GABRA2: variants seen among roughly 807,000 people sequenced by gnomAD.
GABRA2 encodes the protein gamma-aminobutyric acid type A receptor subunit alpha2, also known as gamma-aminobutyric acid receptor subunit alpha-2.
GABRA2 carries 16 observed loss-of-function variants against 48.7 expected under a neutral mutation model. The observed-to-expected ratio is 0.33, with a 90% CI of 0.22 to 0.50. GABRA2 has a LOEUF of 0.50. Ranked by LOEUF, GABRA2 falls within the 20% of genes least tolerant of loss-of-function variation. The probability of loss-of-function intolerance (pLI) is 0.98; values close to 1 mark genes in which losing one functional copy is unlikely to be tolerated. For synonymous variants in GABRA2, 185 were observed against 184.5 expected, an observed-to-expected ratio of 1.00 and a Z score of -0.02; for missense variants, 275 against 535.6, an observed-to-expected ratio of 0.51 and a Z score of 4.80.
chr4:46,275,418 G>A lies in GABRA2; in HGVS notation c.857-13290C>T, dbSNP rs73812831. Among the ~76,000 whole-genome samples the A allele has an allele frequency of 6.3e-3, 966 of 152,160 alleles. 11 individuals are homozygous for A. Among genetic ancestry groups the A allele is most frequent in the African/African-American group, 0.022 (921 of 41,506 alleles). On this transcript the variant is annotated intron_variant, in intron 8 of 9. Coordinates refer to ENST00000381620, the MANE Select transcript of GABRA2 (RefSeq NM_000807.4). ...ATCAAATGAAACCAGTTATGACCTA[G>A]AGGTTCTGCATTAAGGTAAGGGTGG... is the stretch of plus-strand genomic sequence containing the variant.
intron 8 of GABRA2, among the ~76,000 whole-genome samples, chr4:46,264,657 C>T (rs1717737638): frequency 1.3e-5 from 2 of 151,802 alleles, no homozygotes; most frequent in South Asian, 2.1e-4. Flanking sequence ...ATTGTGATTC[C>T]TTTCTCTAGT....
chr4:46,303,777 T>C lies in GABRA2; in HGVS notation c.704-165A>G, dbSNP rs868268470. Among the ~76,000 whole-genome samples, 6 of 152,204 alleles carry C rather than the reference T, an allele frequency of 3.9e-5. No homozygotes were observed. In the South Asian group the frequency reaches 8.3e-4, roughly 21 times the overall value. ...TTTTAAAAGCCTCCTTAGCATAGCA[T>C]GAGTGTTTAGAAGAAAATTTTAGTA... is the stretch of plus-strand genomic sequence containing the variant. On this transcript the variant is annotated intron_variant, in intron 7 of 9. Coordinates refer to ENST00000381620, the MANE Select transcript of GABRA2 (RefSeq NM_000807.4).
chr4:46,306,024 GGTAGCATAT>G (rs773321649), intron 6 of GABRA2, among the ~76,000 whole-genome samples: 114 of 151,966 alleles, frequency 7.5e-4, no homozygotes, highest in Non-Finnish European at 1.4e-3. Flanking sequence ...TTAGGCCAAA[GGTAGCATAT>G]GAAGACACTG....
At chr4:46,273,477 ATATATG>A in intron 8 of GABRA2, among the ~76,000 whole-genome samples, 1 of 32,950 alleles carries the variant, frequency 3.0e-5, no homozygotes, top group South Asian at 1.7e-3. Context: ...GCATATATAT[ATATATG>A]CATATATATA....
chr4:46,295,562 T>C (rs987327405), intron 8 of GABRA2, among the ~76,000 whole-genome samples: 26 of 152,158 alleles, frequency 1.7e-4, no homozygotes, highest in African/African-American at 6.3e-4. Flanking sequence ...GCCCAATGGG[T>C]CCATGGACAA....
intron 1 of GABRA2, 99 bp downstream of exon 1, chr4:46,389,636 G>T: frequency 1.4e-6 from 1 of 703,044 alleles, no homozygotes; most frequent in Non-Finnish European, 1.7e-6. Flanking sequence ...TCCGTTTCCA[G>T]GGAGCCTCTG....
intron 8 of GABRA2, among the ~76,000 whole-genome samples, chr4:46,288,278 G>T (rs1479847135): frequency 3.3e-5 from 5 of 152,146 alleles, no homozygotes; most frequent in Non-Finnish European, 7.4e-5. Context: ...TTGGGGTATA[G>T]AAATGTTAGT....
In GABRA2 at chr4:46,256,745, T is replaced by C. The variant is rs115755512; in HGVS notation, c.1059+5181A>G. On this transcript the variant is annotated intron_variant, in intron 9 of 9. Coordinates refer to ENST00000381620, the MANE Select transcript of GABRA2 (RefSeq NM_000807.4). ...ATTATAATTTAAATGCATGCATTCT[T>C]TGATGAACTGCCTGAAATATTTTGG... Among the ~76,000 whole-genome samples the C allele has an allele frequency of 8.7e-3, 1,314 of 151,732 alleles. 23 individuals are homozygous for C. The highest frequency in any genetic ancestry group is 0.031 in the African/African-American group (1,273 of 41,490).
In GABRA2 at chr4:46,333,057, C is replaced by T. The variant is rs115801577; in HGVS notation, c.188-375G>A. ...GTATTGTTTGATATAATCCTACATT[C>T]GATGTTCAACTAAATATTTCAGTAT... is the stretch of plus-strand genomic sequence containing the variant. On this transcript the variant is annotated intron_variant, in intron 3 of 9. Transcript: ENST00000381620. Among the ~76,000 whole-genome samples the T allele has an allele frequency of 2.2e-3, 338 of 152,006 alleles. 3 individuals are homozygous for T. The highest frequency in any genetic ancestry group is 7.8e-3 in the African/African-American group (323 of 41,484).
intron 8 of GABRA2, among the ~76,000 whole-genome samples, chr4:46,273,416 A>G (rs1452712754): frequency 9.5e-6 from 1 of 105,398 alleles, no homozygotes; most frequent in African/African-American, 3.1e-5. Flanking sequence ...GTGTATACAC[A>G]CTGTTCACAC....
chr4:46,285,216 A>G (rs1722319020), intron 8 of GABRA2, among the ~76,000 whole-genome samples: 1 of 152,072 alleles, frequency 6.6e-6, no homozygotes, highest in Non-Finnish European at 1.5e-5. Flanking sequence ...TACACAAAAT[A>G]ACTCATAGAA....
chr4:46,277,593 G>A (rs1232395684), intron 8 of GABRA2, among the ~76,000 whole-genome samples: 1 of 152,134 alleles, frequency 6.6e-6, no homozygotes, highest in Non-Finnish European at 1.5e-5. Context: ...GGACAAGCTG[G>A]AGCTGTACTC....
intron 3 of GABRA2, among the ~76,000 whole-genome samples, chr4:46,375,032 A>G (rs994690467): frequency 6.6e-6 from 1 of 152,122 alleles, no homozygotes; most frequent in Admixed American, 6.5e-5. Context: ...CAAGGAATAT[A>G]GAGAAGGTGA....
chr4:46,324,404 A>G lies in GABRA2; in HGVS notation c.255+8211T>C, dbSNP rs375390531. On this transcript the variant is annotated intron_variant, in intron 4 of 9. Coordinates refer to ENST00000381620, the MANE Select transcript of GABRA2 (RefSeq NM_000807.4). ...AAATATATGGTAGTAGCAACAGTGG[A>G]TAATATTTATTATTCTTAATCTAGG... 1.2e-4 allele frequency among the ~76,000 whole-genome samples: 18 copies of G among 152,028 alleles called. No individual in the cohort carries two copies. The South Asian group carries it at 1.7e-3, about 14-fold the overall frequency.
intron 4 of GABRA2, among the ~76,000 whole-genome samples, chr4:46,316,194 G>T (rs990947787): frequency 6.6e-6 from 1 of 151,718 alleles, no homozygotes; most frequent in African/African-American, 2.4e-5. Flanking sequence ...ATTTGTCACC[G>T]TCACAAGCAA....
chr4:46,256,354 T>C, intron 9 of GABRA2: 1 of 667,116 alleles, frequency 1.5e-6, no homozygotes, highest in Non-Finnish European at 2.7e-6. Context: ...ATGTAATGCC[T>C]TCAGCTTTTA....
chr4:46,334,394 A>G (rs941491442), intron 3 of GABRA2, among the ~76,000 whole-genome samples: 2 of 152,262 alleles, frequency 1.3e-5, no homozygotes, highest in Non-Finnish European at 2.9e-5. Context: ...CACCAAATTA[A>G]TCACACTATT....
chr4:46,376,736 C>A (rs2109332394), intron 3 of GABRA2, among the ~76,000 whole-genome samples: 1 of 73,282 alleles, frequency 1.4e-5, no homozygotes, highest in East Asian at 2.3e-4. Flanking sequence ...AAAATTGTCT[C>A]CCTCTCCCTC....
At chr4:46,284,489 T>C (rs1416317687) in intron 8 of GABRA2, among the ~76,000 whole-genome samples, 1 of 152,310 alleles carries the variant, frequency 6.6e-6, no homozygotes, top group East Asian at 1.9e-4. Context: ...ATTGAATGAA[T>C]TGGATAAACA....
Sources: allele counts gnomAD v4.1 joint callset (sites outside exome capture counted in the v4.1 genomes callset), GRCh38; gene constraint gnomAD v4.1.1; transcripts MANE v1.5; gene names NCBI Gene and HGNC (gene_info 2026-07-23, HGNC 2026-07-21).